Variants in A2ML1 observed in about 807,000 individuals in gnomAD.
A2ML1 encodes alpha-2-macroglobulin like 1.
A neutral mutation model predicts 181.9 loss-of-function variants in A2ML1; 161 were observed. The ratio of observed to expected loss-of-function variants is 0.89; its 90% confidence interval spans 0.78 to 1.01. The LOEUF (loss-of-function observed/expected upper bound fraction) is 1.01. Among genes scored for constraint, A2ML1 ranks in the 50% least tolerant of loss-of-function variants. The pLI, the probability that A2ML1 is intolerant of heterozygous loss-of-function variation, is 0.00. For synonymous variants in A2ML1, 663 were observed against 666.8 expected (o/e 0.99, Z 0.09); for missense variants, 1,670 against 1,768.1 (o/e 0.94, Z 1.00).
At chr12:8,828,875 T>G (rs2136723902) in intron 3 of A2ML1, among the ~76,000 whole-genome samples, 1 of 152,302 alleles carries the variant, frequency 6.6e-6, no homozygotes, top group Non-Finnish European at 1.5e-5. Flanking sequence ...AAATGCTCCC[T>G]CCATGGGCAC....
At chr12:8,843,901 T>C (rs1943578126) in intron 12 of A2ML1, among the ~76,000 whole-genome samples, 1 of 152,014 alleles carries the variant, frequency 6.6e-6, no homozygotes, top group African/African-American at 2.4e-5. Flanking sequence ...TTTGTATTTT[T>C]AGTAGAGACG....
intron 5 of A2ML1, 75 bp downstream of exon 5, chr12:8,834,757 G>A: frequency 1.3e-6 from 2 of 1,577,216 alleles, no homozygotes; most frequent in South Asian, 1.1e-5. Flanking sequence ...ACACCTTGAA[G>A]ACAGAAGCAA....
chr12:8,836,567 TC>T (rs1415895217), intron 7 of A2ML1, among the ~76,000 whole-genome samples: 3 of 142,320 alleles, frequency 2.1e-5, no homozygotes, highest in East Asian at 4.5e-4. Flanking sequence ...CACTGCAACC[TC>T]CGCCTCATGG....
In A2ML1 at chr12:8,866,402, T is replaced by G. The variant is rs144315620; in HGVS notation, c.3718-1440T>G. Among the ~76,000 whole-genome samples, 637 of 151,408 alleles carry G rather than the reference T, an allele frequency of 4.2e-3. 6 individuals are homozygous for G. Among genetic ancestry groups the G allele is most frequent in the African/African-American group, 0.015 (614 of 41,302 alleles). ...ATTATATGGTACTATGCCTCCCTGT[T>G]TCAGGGAAATTCTTGGCCAAAGATC... On this transcript the variant is annotated intron_variant, in intron 29 of 35. Coordinates refer to ENST00000299698, the MANE Select transcript of A2ML1 (RefSeq NM_144670.6).
chr12:8,851,928 C>G lies in A2ML1; in HGVS notation c.2379C>G (p.Asp793Glu), dbSNP rs754179635. 23 of 1,614,072 alleles carry G rather than the reference C, an allele frequency of 1.4e-5. No homozygotes were observed. The highest frequency in any genetic ancestry group is 1.8e-5 in the Non-Finnish European group (21 of 1,180,044). ...CTGCTTTCAAGCCGTTCTTTGTTGACCTGACTCTCCCTTACTCAGTAGTCC... is the reference window on the plus strand; with the variant it reads ...CTGCTTTCAAGCCGTTCTTTGTTGAGCTGACTCTCCCTTACTCAGTAGTCC... ...GLTAFKPFFV[D>E]LTLPYSVVRG... The change falls in exon 19 of 36, where the codon GAC becomes GAG. Residue 793 changes from aspartate (D) to glutamate (E), a missense_variant. Asp to Glu is a conservative substitution (Grantham distance 45). Transcript: ENST00000299698.
chr12:8,840,157 C>T (rs1186724268), intron 10 of A2ML1, among the ~76,000 whole-genome samples: 2 of 151,752 alleles, frequency 1.3e-5, no homozygotes, highest in Non-Finnish European at 1.5e-5. Flanking sequence ...GCCAAGAGTT[C>T]GAGACCAGCC....
chr12:8,868,360 G>A lies in A2ML1; in HGVS notation c.4061+3G>A, dbSNP rs375310307. 3.1e-6 allele frequency: 5 copies of A among 1,610,720 alleles called. No homozygotes were observed. The African/African-American group carries it at 5.4e-5, about 17-fold the overall frequency. ...TTGACTCTCACTATTCACACCAGGT[G>A]ATTAAAGCTGGGGTGCTGGTGGCCG... On this transcript the variant is annotated splice_donor_region_variant and intron_variant, in intron 31 of 35. Coordinates refer to ENST00000299698, the MANE Select transcript of A2ML1 (RefSeq NM_144670.6).
chr12:8,876,924 G>A (rs554487586), downstream of A2ML1: 1 of 152,176 alleles, frequency 6.6e-6, no homozygotes. Flanking sequence ...TCATCTTAAA[G>A]ATGTGAGGAC....
intron 4 of A2ML1, chr12:8,830,902 T>A (rs141485176): frequency 2.6e-5 from 4 of 152,118 alleles, no homozygotes; most frequent in Non-Finnish European, 5.9e-5. Context: ...CCATCACCTA[T>A]GGCTTTTCTT....
rs1367020672 is a variant in A2ML1, at chr12:8,852,067, A to AT, written c.2463+56dup. 5 of 1,594,482 alleles carry AT rather than the reference A, an allele frequency of 3.1e-6. No homozygotes were observed. The East Asian group carries it at 8.9e-5, about 29-fold the overall frequency. ...TCAGCCCTGGAATCACACCTCCCCC[A>AT]TAAGTTTGTCTCTAAATTGGAAGCA... On this transcript the variant is annotated intron_variant, in intron 19 of 35. Transcript: ENST00000299698. This position sits in a 1 kb window ranked among gnomAD's most constrained non-coding sequence, Gnocchi z 4.2.
chr12:8,848,774 T>G lies in A2ML1; in HGVS notation c.1888T>G (p.Tyr630Asp), dbSNP rs775609688. Reference sequence around the variant, plus strand: ...TCACTACCCCTATCAAGTGGCTGAGTATGATCAGTGTCCAGTGTCTGGCCC... The same window carrying G: ...TCACTACCCCTATCAAGTGGCTGAGGATGATCAGTGTCCAGTGTCTGGCCC... ...YGHYPYQVAE[Y>D]DQCPVSGPWD... Residue 630 changes from tyrosine (Y) to aspartate (D), a missense_variant, in exon 16 of 36, where the codon TAT (tyrosine) becomes GAT (aspartate). Tyr to Asp is a radical substitution (Grantham distance 160). Transcript: ENST00000299698. 1 of 1,614,012 alleles carries G rather than the reference T, an allele frequency of 6.2e-7. No homozygotes were observed. The highest frequency in any genetic ancestry group is 8.5e-7 in the Non-Finnish European group (1 of 1,179,996).
At chr12:8,868,739 CATGTAT>C in intron 32 of A2ML1, 112 bp downstream of exon 32, 1 of 643,980 alleles carries the variant, frequency 1.6e-6, no homozygotes, top group Non-Finnish European at 2.6e-6. Flanking sequence ...ACACACAAGG[CATGTAT>C]ATACATACAT....
chr12:8,863,796 G>T lies in A2ML1; in HGVS notation c.3505G>T (p.Glu1169Ter), dbSNP rs1370851573. 6.2e-7 allele frequency: 1 copy of T among 1,614,106 alleles called. No homozygotes were observed. The highest frequency in any genetic ancestry group is 8.5e-7 in the Non-Finnish European group (1 of 1,179,990). Reference protein sequence around the residue: ...QLDQQAIISGESIYWSQKPTP... With the variant: ...QLDQQAIISG ...TAGTTATGTTTCTTTTTCCATAGGA[G>T]AATCCATTTACTGGAGCCAGAAACC... The change falls in exon 29 of 36, where the codon GAA becomes TAA. Residue 1169 changes from glutamate to a stop codon, truncating the protein, a stop_gained and splice_region_variant. Transcript: ENST00000299698. LOFTEE classifies it high-confidence loss of function.
At chr12:8,857,666 C>T (rs904940248) in intron 25 of A2ML1, 78 bp downstream of exon 25, 32 of 1,455,744 alleles carry the variant, frequency 2.2e-5, no homozygotes, top group Non-Finnish European at 2.7e-5. Context: ...TCCACTACCT[C>T]TCCCCTTAAC....
At chr12:8,841,623 T>C in intron 11 of A2ML1, 87 bp downstream of exon 11, 2 of 1,362,316 alleles carry the variant, frequency 1.5e-6, no homozygotes, top group Non-Finnish European at 2.0e-6. Context: ...TATTCTCCCC[T>C]CTGCTTGGAA....
intron 7 of A2ML1, among the ~76,000 whole-genome samples, chr12:8,884,088 G>GT (rs1944895549): frequency 6.6e-6 from 1 of 151,988 alleles, no homozygotes; most frequent in Non-Finnish European, 1.5e-5. Flanking sequence ...ACCTGGCCCT[G>GT]TTTTTTGAAT....
Position 8,845,503 on chromosome 12 carries a change from G to T in A2ML1, c.1537+1G>T, listed in dbSNP as rs766100204. The T allele has an allele frequency of 2.5e-6, 4 of 1,614,016 alleles. No homozygotes were observed. The African/African-American group carries it at 5.3e-5, about 22-fold the overall frequency. ...AAACACCTGAACTCTAAGAAGAAAG[G>T]TGAGTGTACATGCTTTTCCCGGAAG... On this transcript the variant is annotated splice_donor_variant, in intron 13 of 35. Coordinates refer to ENST00000299698, the MANE Select transcript of A2ML1 (RefSeq NM_144670.6). LOFTEE classifies it high-confidence loss of function.
rs1445930881 is a variant in A2ML1, at chr12:8,863,972, G to A, written c.3681G>A (p.Lys1227=). 1 of 1,613,030 alleles carries A rather than the reference G, an allele frequency of 6.2e-7. No homozygotes were observed. Among genetic ancestry groups the A allele is most frequent in the Admixed American group, 1.7e-5 (1 of 60,018 alleles). The change falls in exon 29 of 36, where the codon AAG becomes AAA. Residue 1227 remains lysine, a synonymous_variant. Transcript: ENST00000299698. ...CTAGCATAGTGGCTTGGTTGGCCAA[G>A]CAACACAATGCATATGGGGGCTTCT... ...KATSIVAWLA[K]QHNAYGGFSS... is the part of the protein sequence containing the mutation.
At chr12:8,879,710 G>A (rs114814113), downstream of A2ML1, among the ~76,000 whole-genome samples, 1 of 152,124 alleles carries the variant, frequency 6.6e-6, no homozygotes, top group African/African-American at 2.4e-5. Context: ...TTTCAGATAG[G>A]ATAAAAAGAA....
Sources: allele counts gnomAD v4.1 joint callset (sites outside exome capture counted in the v4.1 genomes callset), GRCh38; gene constraint gnomAD v4.1.1; non-coding constraint Gnocchi (gnomAD v3.1); transcripts MANE v1.5; gene names NCBI Gene and HGNC (gene_info 2026-07-23, HGNC 2026-07-21).